PPP6R3: variants seen among roughly 807,000 people sequenced by gnomAD.
PPP6R3 encodes protein phosphatase 6 regulatory subunit 3, also known as serine/threonine-protein phosphatase 6 regulatory subunit 3.
In PPP6R3, 38 loss-of-function variants were observed where a neutral mutation model predicts 110.7. That is an observed-to-expected ratio of 0.34 (90% CI 0.26 to 0.45). The LOEUF is 0.45. Among genes scored for constraint, PPP6R3 ranks in the 20% least tolerant of loss-of-function variants. The probability of loss-of-function intolerance (pLI) is 1.00; values close to 1 mark genes in which losing one functional copy is unlikely to be tolerated. For missense variants in PPP6R3, 870 were observed against 1,062.4 expected (o/e 0.82, Z 2.52); for synonymous variants, 369 against 373.5 (o/e 0.99, Z 0.14).
intron 1 of PPP6R3, among the ~76,000 whole-genome samples, chr11:68,467,485 A>G (rs1371198590): frequency 6.6e-6 from 1 of 152,254 alleles, no homozygotes; most frequent in African/African-American, 2.4e-5. Context: ...TGGGACTGTT[A>G]GTTGGAGCCT....
intron 2 of PPP6R3, 118 bp downstream of exon 2, chr11:68,519,769 T>C (rs531754317): frequency 2.5e-6 from 1 of 393,854 alleles, no homozygotes; most frequent in South Asian, 1.4e-4. Flanking sequence ...CTCTCTGAGC[T>C]AGGTACAATA....
Position 68,607,892 on chromosome 11 carries a change from G to A in PPP6R3, c.2451-2012G>A, listed in dbSNP as rs552088628. On this transcript the variant is annotated intron_variant, in intron 22 of 23. Coordinates refer to ENST00000393800, the MANE Select transcript of PPP6R3 (RefSeq NM_001164161.2). Reference sequence around the variant, plus strand: ...GAGCTCCAGCAGTCCTCCCACCTCAGTATCCCAAGTAGCTGGAACTACAGT... The same window carrying A: ...GAGCTCCAGCAGTCCTCCCACCTCAATATCCCAAGTAGCTGGAACTACAGT... Among the ~76,000 whole-genome samples, 23 of 151,960 alleles carry A rather than the reference G, an allele frequency of 1.5e-4. No homozygotes were observed. The East Asian group carries it at 2.1e-3, about 14-fold the overall frequency.
intron 12 of PPP6R3, among the ~76,000 whole-genome samples, chr11:68,573,584 G>T (rs1219288969): frequency 6.6e-6 from 1 of 152,052 alleles, no homozygotes; most frequent in Non-Finnish European, 1.5e-5. Context: ...CTCCTATCTT[G>T]GCCAAGTCTC....
chr11:68,573,925 A>G (rs1197392247), intron 12 of PPP6R3, among the ~76,000 whole-genome samples, 184 bp from the exon 13 acceptor site: 1 of 152,082 alleles, frequency 6.6e-6, no homozygotes, highest in Non-Finnish European at 1.5e-5. Context: ...CTCCCTGACC[A>G]TGCTGCATGG....
At chr11:68,606,533 C>G (rs2153962190) in intron 22 of PPP6R3, among the ~76,000 whole-genome samples, 1 of 144,014 alleles carries the variant, frequency 6.9e-6, no homozygotes, top group South Asian at 2.2e-4. Context: ...CCAGGCTGGT[C>G]TCAAACTCCT....
intron 12 of PPP6R3, 110 bp downstream of exon 12, chr11:68,571,214 C>G: frequency 1.5e-6 from 2 of 1,328,286 alleles, no homozygotes; most frequent in Non-Finnish European, 2.0e-6. Flanking sequence ...TGATACTGGC[C>G]ATTTTACAAT....
At chr11:68,583,212 A>T in intron 15 of PPP6R3, 83 bp downstream of exon 15, 1 of 1,068,190 alleles carries the variant, frequency 9.4e-7, no homozygotes, top group Non-Finnish European at 1.3e-6. Context: ...CTTCAGAGTC[A>T]GATTATGTAT....
At chr11:68,516,935 T>C (rs2099140193) in intron 1 of PPP6R3, among the ~76,000 whole-genome samples, 1 of 152,166 alleles carries the variant, frequency 6.6e-6, no homozygotes, top group Admixed American at 6.5e-5. Flanking sequence ...CTTTTTTGTT[T>C]TCTGTTCTTG....
intron 13 of PPP6R3, 67 bp from the exon 14 acceptor site, chr11:68,575,891 C>CTT: frequency 8.2e-7 from 1 of 1,217,592 alleles, no homozygotes; most frequent in Non-Finnish European, 1.2e-6. Context: ...ATATTACCTG[C>CTT]TTACTTTATT....
intron 19 of PPP6R3, among the ~76,000 whole-genome samples, chr11:68,597,443 A>G (rs1464703090): frequency 6.6e-6 from 1 of 152,216 alleles, no homozygotes; most frequent in Non-Finnish European, 1.5e-5. Context: ...GGATTTGACT[A>G]AGAAGATCAT....
intron 1 of PPP6R3, among the ~76,000 whole-genome samples, chr11:68,475,206 A>G (rs965320124): frequency 2.0e-5 from 3 of 152,192 alleles, no homozygotes; most frequent in African/African-American, 7.2e-5. Context: ...GACACAGCAC[A>G]TGTTTCAGAG....
At chr11:68,480,458 C>T (rs566362500) in intron 1 of PPP6R3, among the ~76,000 whole-genome samples, 2 of 152,294 alleles carry the variant, frequency 1.3e-5, no homozygotes, top group Admixed American at 6.5e-5. Context: ...TGCACCTTGG[C>T]GGAACTTAGC....
At chr11:68,517,359 A>G (rs2099142091) in intron 1 of PPP6R3, among the ~76,000 whole-genome samples, 2 of 152,138 alleles carry the variant, frequency 1.3e-5, no homozygotes, top group Admixed American at 1.3e-4. Flanking sequence ...ATTCCTTCCC[A>G]GCTTTGTTTG....
intron 4 of PPP6R3, among the ~76,000 whole-genome samples, chr11:68,546,779 A>C (rs1477857087): frequency 6.6e-6 from 1 of 152,208 alleles, no homozygotes; most frequent in Non-Finnish European, 1.5e-5. Context: ...TCTGTGCCAC[A>C]GGTCCCTGTT....
At chr11:68,570,567 T>G (rs902503735) in intron 11 of PPP6R3, among the ~76,000 whole-genome samples, 1 of 152,236 alleles carries the variant, frequency 6.6e-6, no homozygotes, top group African/African-American at 2.4e-5. Context: ...TTGCAGACTT[T>G]GGGCAAAACC....
rs554160288 is a variant in PPP6R3, at chr11:68,565,386, A to C, written c.975+954A>C. On this transcript the variant is annotated intron_variant, in intron 9 of 23. Coordinates refer to ENST00000393800, the MANE Select transcript of PPP6R3 (RefSeq NM_001164161.2). ...TCCATTCCAGCCACATCTTATCTGC[A>C]TTCAGCCTGTGTTGGATGTGGACCA... Among the ~76,000 whole-genome samples the C allele has an allele frequency of 2.6e-5, 4 of 152,070 alleles. No homozygotes were observed. In the East Asian group the frequency reaches 7.8e-4, roughly 30 times the overall value.
rs2099613049 is a variant in PPP6R3, at chr11:68,596,047, G to C, written c.1917-50G>C. 7 of 1,609,058 alleles carry C rather than the reference G, an allele frequency of 4.4e-6. No individual in the cohort carries two copies. The East Asian group carries it at 1.6e-4, about 36-fold the overall frequency. Reference sequence around the variant, plus strand: ...TGACTGTTAGAATTTTCTGGATTTAGCTGGTGGCTGATAAGCAGTGTTAAA... The same window carrying C: ...TGACTGTTAGAATTTTCTGGATTTACCTGGTGGCTGATAAGCAGTGTTAAA... On this transcript the variant is annotated intron_variant, in intron 18 of 23. Coordinates refer to ENST00000393800, the MANE Select transcript of PPP6R3 (RefSeq NM_001164161.2).
At chr11:68,524,120 G>C (rs972928224) in intron 2 of PPP6R3, among the ~76,000 whole-genome samples, 22 of 152,294 alleles carry the variant, frequency 1.4e-4, no homozygotes, top group Admixed American at 2.6e-4. Flanking sequence ...TGTTCCTATA[G>C]AAAATCATTC....
At chr11:68,499,660 C>T (rs1054861127) in intron 1 of PPP6R3, among the ~76,000 whole-genome samples, 1 of 152,268 alleles carries the variant, frequency 6.6e-6, no homozygotes, top group Admixed American at 6.5e-5. Flanking sequence ...CCTTGACCTT[C>T]CTGGCTCAAG....
Sources: gnomAD v4.1 joint callset for allele counts (sites outside exome capture counted in the v4.1 genomes callset) on GRCh38, gnomAD v4.1.1 for gene constraint, MANE v1.5 for transcripts, NCBI Gene and HGNC (gene_info 2026-07-23, HGNC 2026-07-21) for gene names.